The following CDC45 variants were observed in gnomAD, a reference collection of about 807,000 sequenced individuals.
CDC45 encodes cell division control protein 45 homolog.
A neutral mutation model predicts 77.8 loss-of-function variants in CDC45; 54 were observed. That is an observed-to-expected ratio of 0.69 (90% CI 0.56 to 0.87). CDC45 has a LOEUF of 0.87. CDC45 is among the 40% of genes least tolerant of loss of function. The pLI is 0.00. For synonymous variants in CDC45, 260 were observed against 272.1 expected (o/e 0.96, Z 0.44); for missense variants, 649 against 721.6 (o/e 0.90, Z 1.15).
intron 5 of CDC45, among the ~76,000 whole-genome samples, chr22:19,493,041 G>C (rs368416624): frequency 3.3e-5 from 5 of 152,084 alleles, no homozygotes; most frequent in African/African-American, 1.2e-4. Flanking sequence ...ACCAGACAGA[G>C]GGCTTGGGGT....
At position 19,506,444 on chromosome 22, in the gene CDC45, G is replaced by A. The variant is rs13447257; in HGVS notation, c.825-942G>A. Among the ~76,000 whole-genome samples, 54 of 152,248 alleles carry A rather than the reference G, an allele frequency of 3.5e-4. No homozygotes were observed. The South Asian group carries it at 0.011, about 32-fold the overall frequency. ...GCTGGGGCTTGAGGAAGCTGCTGGA[G>A]TGTGGGCAGGGAGCATGGTGGTCTG... On this transcript the variant is annotated intron_variant, in intron 10 of 18. Transcript: ENST00000263201.
intron 5 of CDC45, among the ~76,000 whole-genome samples, chr22:19,486,030 G>T (rs1283226597): frequency 1.3e-5 from 2 of 151,998 alleles, no homozygotes; most frequent in Non-Finnish European, 2.9e-5. Context: ...TTTTTATTTT[G>T]TTTTTTCTTG....
rs559528171 is a variant in CDC45 at position 19,507,027 on chromosome 22, G to A, written c.825-359G>A. Reference sequence around the variant, plus strand: ...TCCGGAGGAATGGGTTGTAGGGAGGGCTGGGCTAGGTGGAGCAGGAGGTGC... The same window carrying A: ...TCCGGAGGAATGGGTTGTAGGGAGGACTGGGCTAGGTGGAGCAGGAGGTGC... On this transcript the variant is annotated intron_variant, in intron 10 of 18. Transcript: ENST00000263201. 5.3e-5 allele frequency among the ~76,000 whole-genome samples: 8 copies of A among 152,330 alleles called. No individual in the cohort carries two copies. In the South Asian group the frequency reaches 1.7e-3, roughly 32 times the overall value.
chr22:19,499,217 A>G, intron 9 of CDC45, 66 bp downstream of exon 9: 3 of 1,551,452 alleles, frequency 1.9e-6, no homozygotes, highest in East Asian at 2.2e-5. Context: ...CAGCCTGACC[A>G]TAGCCACTAA....
At chr22:19,479,612 C>T (rs2089938424), upstream of CDC45, 1 of 625,760 alleles carries the variant, frequency 1.6e-6, no homozygotes, top group South Asian at 1.5e-5. Context: ...AGTATACTTT[C>T]CCTGAGGGTT....
chr22:19,490,087 C>T (rs2090131426), intron 5 of CDC45, among the ~76,000 whole-genome samples: 1 of 152,206 alleles, frequency 6.6e-6, no homozygotes, highest in Non-Finnish European at 1.5e-5. Context: ...ATTAATATTG[C>T]CACTCCTGCT....
chr22:19,495,971 G>A lies in CDC45; in HGVS notation c.543-10G>A. 6.2e-7 allele frequency: 1 copy of A among 1,607,214 alleles called. No homozygotes were observed. Among genetic ancestry groups the A allele is most frequent in the Non-Finnish European group, 8.5e-7 (1 of 1,174,004 alleles). On this transcript the variant is annotated splice_polypyrimidine_tract_variant and intron_variant, in intron 6 of 18. Coordinates refer to ENST00000263201, the MANE Select transcript of CDC45 (RefSeq NM_003504.5). ...TTCCTGTTGAAGACCTGCATTTTAT[G>A]TCATTACAGAAGAGACATCCTCTTT...
intron 17 of CDC45, 42 bp from the exon 18 acceptor site, chr22:19,518,802 C>T (rs771319486): frequency 3.2e-6 from 5 of 1,549,780 alleles, no homozygotes; most frequent in Non-Finnish European, 4.5e-6. Context: ...CTTGTGTTCC[C>T]ACTCCTCCCT....
At chr22:19,504,697 CTG>C in intron 9 of CDC45, among the ~76,000 whole-genome samples, 1 of 152,278 alleles carries the variant, frequency 6.6e-6, no homozygotes, top group Non-Finnish European at 1.5e-5. Flanking sequence ...GGTGTACAAA[CTG>C]CACTCTTGGT....
chr22:19,497,398 A>G lies in CDC45; in HGVS notation c.604A>G (p.Met202Val). 4 of 1,614,020 alleles carry G rather than the reference A, an allele frequency of 2.5e-6. No homozygotes were observed. The change falls in exon 8 of 19, where the codon ATG becomes GTG. Residue 202 changes from methionine (M) to valine (V), a missense_variant. Transcript: ENST00000263201. Reference protein sequence around the residue: ...EYHGTSSAMVMFELAWMLSKD... With the variant: ...EYHGTSSAMVVFELAWMLSKD... ...TGCTTCCTTACAGTCAGCCATGGTG[A>G]TGTTTGAGCTGGCTTGGATGCTGTC...
In CDC45 at chr22:19,497,512, C is replaced by T. The variant is rs2090264192; in HGVS notation, c.653+65C>T. 11 of 1,338,314 alleles carry T rather than the reference C, an allele frequency of 8.2e-6. No homozygotes were observed. In the East Asian group the frequency reaches 1.8e-4, roughly 22 times the overall value. 82.9% of individuals were successfully genotyped at this position (1,338,314 alleles called of 1,614,324 possible). On this transcript the variant is annotated intron_variant, in intron 8 of 18. Transcript: ENST00000263201. ...GCCTTGGTCAGTGCCACATAAGCAGCTCTGTCCTCCCACAGGGAGGGTGTT... is the reference window on the plus strand; with the variant it reads ...GCCTTGGTCAGTGCCACATAAGCAGTTCTGTCCTCCCACAGGGAGGGTGTT...
chr22:19,496,938 G>A (rs1448877782), intron 7 of CDC45, among the ~76,000 whole-genome samples: 1 of 152,122 alleles, frequency 6.6e-6, no homozygotes, highest in Non-Finnish European at 1.5e-5. Context: ...GCCTCACCTG[G>A]CCTTCCTGGG....
At position 19,496,003 on chromosome 22, in the gene CDC45, G is replaced by T. The variant is rs566899785; in HGVS notation, c.565G>T (p.Glu189Ter). ...ARRRDILFDY[E>*]QYEYHGTSSA... ...CAGAAGAGACATCCTCTTTGACTAC[G>T]AGCAGTATGAATATCATGGGACATC... The change falls in exon 7 of 19, where the codon GAG becomes TAG. Residue 189 changes from glutamate to a stop codon, truncating the protein, a stop_gained. Coordinates refer to ENST00000263201, the MANE Select transcript of CDC45 (RefSeq NM_003504.5). LOFTEE classifies it high-confidence loss of function. The T allele has an allele frequency of 1.2e-6, 2 of 1,611,254 alleles. No individual in the cohort carries two copies. Among genetic ancestry groups the T allele is most frequent in the South Asian group, 2.2e-5 (2 of 90,982 alleles).
intron 10 of CDC45, among the ~76,000 whole-genome samples, chr22:19,506,899 A>C (rs1302001623): frequency 2.0e-5 from 3 of 151,044 alleles, no homozygotes; most frequent in Non-Finnish European, 4.4e-5. Flanking sequence ...GTGCCACTGC[A>C]CTCCAGCCTG....
At chr22:19,509,570 A>T (rs1016133108) in intron 13 of CDC45, among the ~76,000 whole-genome samples, 4 of 152,160 alleles carry the variant, frequency 2.6e-5, no homozygotes, top group South Asian at 4.1e-4. Flanking sequence ...TCAAAAAGTG[A>T]TTTCATCCTG....
intron 10 of CDC45, 146 bp from the exon 11 acceptor site, chr22:19,507,240 G>A: frequency 1.1e-6 from 1 of 907,274 alleles, no homozygotes; most frequent in Non-Finnish European, 1.7e-6. Flanking sequence ...AAGGTCAAAG[G>A]GCTCCAGGTC....
chr22:19,498,525 G>C lies in CDC45; in HGVS notation c.654-576G>C, dbSNP rs554573284. On this transcript the variant is annotated intron_variant, in intron 8 of 18. Transcript: ENST00000263201. Reference sequence around the variant, plus strand: ...GAAGCCAGGCCTTGCCTGGGTCTCAGGTAAAAGATGAGCCTGAAGATGGGA... The same window carrying C: ...GAAGCCAGGCCTTGCCTGGGTCTCACGTAAAAGATGAGCCTGAAGATGGGA... Among the ~76,000 whole-genome samples the C allele has an allele frequency of 4.6e-5, 7 of 152,356 alleles. No homozygotes were observed. In the South Asian group the frequency reaches 1.4e-3, roughly 32 times the overall value.
chr22:19,500,015 A>G (rs2090312879), intron 9 of CDC45, among the ~76,000 whole-genome samples: 1 of 152,220 alleles, frequency 6.6e-6, no homozygotes, highest in Non-Finnish European at 1.5e-5. Context: ...GGAGAAGCCC[A>G]AGTTTCAGGC....
chr22:19,486,751 C>T (rs1375871047), intron 5 of CDC45, among the ~76,000 whole-genome samples: 3 of 152,056 alleles, frequency 2.0e-5, no homozygotes, highest in Non-Finnish European at 2.9e-5. Flanking sequence ...GGTACGATCT[C>T]GGCTCACTGC....
Sources: allele counts gnomAD v4.1 joint callset (sites outside exome capture counted in the v4.1 genomes callset), GRCh38; gene constraint gnomAD v4.1.1; transcripts MANE v1.5; gene names NCBI Gene and HGNC (gene_info 2026-07-23, HGNC 2026-07-21).